MAPK10: variants seen among roughly 807,000 people sequenced by gnomAD.
The protein encoded by MAPK10 is JNK3 alpha protein kinase.
Under a neutral mutation model 59.3 loss-of-function variants are expected in MAPK10, and 25 were observed. That is an observed-to-expected ratio of 0.42 (90% CI 0.31 to 0.59). The LOEUF (loss-of-function observed/expected upper bound fraction) is 0.59. Ranked by LOEUF, MAPK10 falls within the 20% of genes least tolerant of loss-of-function variation. The probability of loss-of-function intolerance (pLI) is 0.15; values close to 1 mark genes in which losing one functional copy is unlikely to be tolerated. For missense variants in MAPK10, 351 were observed against 568.9 expected, an observed-to-expected ratio of 0.62 and a Z score of 3.90; for synonymous variants, 190 against 200.5, an observed-to-expected ratio of 0.95 and a Z score of 0.44.
At chr4:86,178,103 A>G (rs1448334387) in intron 3 of MAPK10, among the ~76,000 whole-genome samples, 1 of 152,100 alleles carries the variant, frequency 6.6e-6, no homozygotes, top group Non-Finnish European at 1.5e-5. Context: ...TCTTATCTCC[A>G]GTAGTATTTT....
At chr4:86,287,498 C>T (rs996783282) in intron 2 of MAPK10, among the ~76,000 whole-genome samples, 1 of 152,128 alleles carries the variant, frequency 6.6e-6, no homozygotes, top group Non-Finnish European at 1.5e-5. Context: ...CAGCTGCCAT[C>T]GTTTTAGGAA....
chr4:86,035,617 A>C (rs1458734954), intron 11 of MAPK10, among the ~76,000 whole-genome samples: 1 of 152,078 alleles, frequency 6.6e-6, no homozygotes, highest in African/African-American at 2.4e-5. Flanking sequence ...AGATTCAGGA[A>C]TAATTAATAA....
At chr4:86,529,765 G>C (rs4343691) in intron 1 of MAPK10, among the ~76,000 whole-genome samples, 2,009 of 152,240 alleles carry the variant, frequency 0.013, 27 homozygotes, top group Middle Eastern at 0.092. Flanking sequence ...AAGGATGGCT[G>C]ATTCCAATTT....
chr4:86,163,314 T>C (rs1426403685), intron 3 of MAPK10, among the ~76,000 whole-genome samples: 1 of 152,158 alleles, frequency 6.6e-6, no homozygotes, highest in African/African-American at 2.4e-5. Flanking sequence ...GCATATTTAA[T>C]AGACTACATT....
intron 2 of MAPK10, among the ~76,000 whole-genome samples, chr4:86,333,809 G>A (rs572737567): frequency 8.5e-4 from 130 of 152,262 alleles, no homozygotes; most frequent in Non-Finnish European, 1.3e-3. Flanking sequence ...AACCTCTCAA[G>A]AAGATTAAAT....
chr4:86,321,892 T>C (rs2095902796), intron 2 of MAPK10: 1 of 151,798 alleles, frequency 6.6e-6, no homozygotes, highest in African/African-American at 2.4e-5. Context: ...AGACAGGATA[T>C]CAGTATGTTT....
chr4:86,173,301 C>T lies in MAPK10; in HGVS notation c.67-13834G>A, dbSNP rs183815235. Reference sequence around the variant, plus strand: ...TAGATCAATTGAACAGAATAGAGGGCTCAGAAATAAGACTGCACATCTACA... The same window carrying T: ...TAGATCAATTGAACAGAATAGAGGGTTCAGAAATAAGACTGCACATCTACA... On this transcript the variant is annotated intron_variant, in intron 3 of 13. Coordinates refer to ENST00000641462, the MANE Select transcript of MAPK10 (RefSeq NM_138982.4). 1.2e-3 allele frequency among the ~76,000 whole-genome samples: 181 copies of T among 152,166 alleles called. 1 individual carries two copies. The highest frequency in any genetic ancestry group is 1.8e-3 in the Non-Finnish European group (122 of 67,994).
At chr4:86,375,200 A>T (rs777159540) in intron 1 of MAPK10, among the ~76,000 whole-genome samples, 1 of 152,216 alleles carries the variant, frequency 6.6e-6, no homozygotes, top group Non-Finnish European at 1.5e-5. Context: ...ACACATACAC[A>T]CACATATCAT....
intron 2 of MAPK10, among the ~76,000 whole-genome samples, chr4:86,273,226 GAGA>G (rs2094483999): frequency 6.6e-6 from 1 of 152,020 alleles, no homozygotes; most frequent in African/African-American, 2.4e-5. Context: ...GGCTATGTGA[GAGA>G]AGAATTTTAT....
intron 1 of MAPK10, among the ~76,000 whole-genome samples, chr4:86,500,072 A>T (rs1036082292): frequency 6.6e-6 from 1 of 152,200 alleles, no homozygotes; most frequent in Non-Finnish European, 1.5e-5. Flanking sequence ...CTGAATTCCT[A>T]TCTGTGTTAC....
intron 1 of MAPK10, among the ~76,000 whole-genome samples, chr4:86,373,744 GT>G (rs1739301682): frequency 6.6e-6 from 1 of 152,180 alleles, no homozygotes; most frequent in African/African-American, 2.4e-5. Context: ...TCATGAGAAA[GT>G]CAGGAAACAA....
At chr4:86,313,605 A>T (rs979103228) in intron 2 of MAPK10, among the ~76,000 whole-genome samples, 1 of 152,148 alleles carries the variant, frequency 6.6e-6, no homozygotes, top group African/African-American at 2.4e-5. Flanking sequence ...CAAAAAGCAG[A>T]TTAAAATATT....
Position 86,014,452 on chromosome 4 carries a change from G to A in MAPK10, c.*2776C>T, listed in dbSNP as rs1742513139. 1 of 152,006 alleles carries A rather than the reference G, an allele frequency of 6.6e-6. No individual in the cohort carries two copies. The highest frequency in any genetic ancestry group is 1.5e-5 in the Non-Finnish European group (1 of 68,018). The allele number at this position is 152,006 out of a possible 1,614,324, so 9.4% of individuals were successfully genotyped here. On this transcript the variant is annotated 3_prime_UTR_variant, in exon 14 of 14. Transcript: ENST00000641462. ...GCAGACCTAGTGGGCAAAGGACTGG[G>A]GGGCTTTTACAGTGGTGATTCTCTT...
chr4:86,170,023 CA>C (rs987324636), intron 3 of MAPK10, among the ~76,000 whole-genome samples: 1 of 151,898 alleles, frequency 6.6e-6, no homozygotes, highest in African/African-American at 2.4e-5. Flanking sequence ...GAGATTTTGT[CA>C]CCACCAGGCC....
At chr4:86,531,624 G>A (rs74334336) in intron 1 of MAPK10, among the ~76,000 whole-genome samples, 1,570 of 152,196 alleles carry the variant, frequency 0.01, 21 homozygotes, top group African/African-American at 0.036. Context: ...TAATCCTCTG[G>A]GAGACGTAGT....
chr4:86,585,521 G>A (rs1170771327), intron 1 of MAPK10, among the ~76,000 whole-genome samples: 3 of 152,186 alleles, frequency 2.0e-5, no homozygotes, highest in African/African-American at 7.2e-5. Context: ...CCTTGGCCCA[G>A]CATCCAAAGA....
chr4:86,586,491 C>T (rs1310137678), intron 1 of MAPK10, among the ~76,000 whole-genome samples: 1 of 152,204 alleles, frequency 6.6e-6, no homozygotes, highest in Non-Finnish European at 1.5e-5. Context: ...GTATCTCTCT[C>T]CTTTAGGGTT....
intron 1 of MAPK10, among the ~76,000 whole-genome samples, chr4:86,396,935 A>C (rs1743021294): frequency 6.6e-6 from 1 of 152,070 alleles, no homozygotes; most frequent in Non-Finnish European, 1.5e-5. Flanking sequence ...AAATTATTAC[A>C]GTTTGAGTTA....
At position 86,014,085 on chromosome 4, in the gene MAPK10, A is replaced by G. The variant is rs960941161; in HGVS notation, c.*3143T>C. On this transcript the variant is annotated 3_prime_UTR_variant, in exon 14 of 14. Coordinates refer to ENST00000641462, the MANE Select transcript of MAPK10 (RefSeq NM_138982.4). ...TCCTTCCTACAAAATACTGCAAACT[A>G]TTTTATTAAGGATCACTGCAAACCA... 2 of 152,124 alleles carry G rather than the reference A, an allele frequency of 1.3e-5. No individual in the cohort carries two copies. Among genetic ancestry groups the G allele is most frequent in the African/African-American group, 2.4e-5 (1 of 41,428 alleles). The allele number at this position is 152,124 out of a possible 1,614,324, so 9.4% of individuals were successfully genotyped here. A position where few individuals can be genotyped will look rare whatever the true frequency, so the allele number is the denominator to read the frequency against.
Sources: gnomAD v4.1 joint callset for allele counts (sites outside exome capture counted in the v4.1 genomes callset) on GRCh38, gnomAD v4.1.1 for gene constraint, MANE v1.5 for transcripts, NCBI Gene and HGNC (gene_info 2026-07-23, HGNC 2026-07-21) for gene names.